Variants in BICC1 observed in about 807,000 individuals in gnomAD.
BICC1 encodes BicC family RNA binding protein 1, also known as protein bicaudal C homolog 1.
A neutral mutation model predicts 111.0 loss-of-function variants in BICC1; 43 were observed. That is an observed-to-expected ratio of 0.39 (90% CI 0.30 to 0.50). The LOEUF (loss-of-function observed/expected upper bound fraction) is 0.50. Ranked by LOEUF, BICC1 falls within the 20% of genes least tolerant of loss-of-function variation. BICC1 has a pLI of 0.88. For synonymous variants in BICC1, 467 were observed against 434.4 expected (o/e 1.07, Z -0.93); for missense variants, 1,091 against 1,203.2 (o/e 0.91, Z 1.38).
intron 2 of BICC1, among the ~76,000 whole-genome samples, chr10:58,633,493 T>G (rs1225658303): frequency 1.3e-5 from 2 of 152,246 alleles, no homozygotes; most frequent in South Asian, 4.1e-4. Context: ...AATGCATTCC[T>G]AGCAAGATTA....
intron 2 of BICC1, among the ~76,000 whole-genome samples, chr10:58,678,065 A>G (rs1459552669): frequency 6.6e-6 from 1 of 152,184 alleles, no homozygotes; most frequent in Non-Finnish European, 1.5e-5. Flanking sequence ...AAAGGAAAAA[A>G]CGGGACCAGC....
intron 1 of BICC1, among the ~76,000 whole-genome samples, chr10:58,606,645 G>A (rs1845224706): frequency 2.6e-5 from 4 of 152,090 alleles, no homozygotes; most frequent in Non-Finnish European, 5.9e-5. Context: ...GCTTGAATGA[G>A]AATTCTGACA....
chr10:58,805,318 A>C (rs1027626992), intron 15 of BICC1, among the ~76,000 whole-genome samples: 5 of 152,082 alleles, frequency 3.3e-5, no homozygotes, highest in East Asian at 3.9e-4. Flanking sequence ...AACAAACAAA[A>C]AAACTGCAAG....
At chr10:58,520,102 C>T (rs1315015762) in intron 1 of BICC1, among the ~76,000 whole-genome samples, 1 of 152,084 alleles carries the variant, frequency 6.6e-6, no homozygotes, top group African/African-American at 2.4e-5. Flanking sequence ...ATTATCATCC[C>T]ATGTTTTGTC....
chr10:58,815,024 A>G (rs191198392), intron 18 of BICC1, among the ~76,000 whole-genome samples: 60 of 152,320 alleles, frequency 3.9e-4, no homozygotes, highest in Non-Finnish European at 7.1e-4. Flanking sequence ...TGTTTTATCT[A>G]CAACAGCACC....
At chr10:58,707,850 A>G (rs1325546953) in intron 3 of BICC1, among the ~76,000 whole-genome samples, 1 of 152,070 alleles carries the variant, frequency 6.6e-6, no homozygotes, top group Non-Finnish European at 1.5e-5. Context: ...GGCACCTGCC[A>G]CCACGCCCGG....
chr10:58,648,245 C>T (rs1365757833), intron 2 of BICC1, among the ~76,000 whole-genome samples: 2 of 152,124 alleles, frequency 1.3e-5, no homozygotes, highest in African/African-American at 2.4e-5. Context: ...TGTTTTGCAG[C>T]TGTAGATGCT....
chr10:58,552,925 A>G (rs1170865251), intron 1 of BICC1, among the ~76,000 whole-genome samples: 1 of 152,208 alleles, frequency 6.6e-6, no homozygotes, highest in African/African-American at 2.4e-5. Context: ...ATGGGCTTTC[A>G]GACAGATATA....
Position 58,702,091 on chromosome 10 carries a change from T to TA in BICC1, c.256dup (p.Thr86AsnfsTer22). The stretch of plus-strand genomic sequence containing the variant: ...TGTTACAGATCATGGAGGAAACAAA[T>TA]ACGCAGATTGCTTGGCCATCAAAAC... On this transcript the variant is annotated frameshift_variant, in exon 3 of 21. Transcript: ENST00000373886. LOFTEE classifies it high-confidence loss of function. 6.2e-7 allele frequency: 1 copy of TA among 1,613,238 alleles called. No homozygotes were observed. The highest frequency in any genetic ancestry group is 8.5e-7 in the Non-Finnish European group (1 of 1,179,590).
chr10:58,525,715 A>C (rs895083596), intron 1 of BICC1, among the ~76,000 whole-genome samples: 8 of 123,624 alleles, frequency 6.5e-5, no homozygotes, highest in African/African-American at 1.4e-4. Flanking sequence ...ATAATAAAAA[A>C]AATTTTTTAA....
rs1214628384 is a variant in BICC1, at chr10:58,807,121, A to G, written c.2339A>G (p.His780Arg). 1.2e-6 allele frequency: 2 copies of G among 1,613,948 alleles called. No individual in the cohort carries two copies. Among genetic ancestry groups the G allele is most frequent in the South Asian group, 1.1e-5 (1 of 91,076 alleles). ...ATCAAGGAGTTGAGAAGGGCCAATC[A>G]TGTGTCCTATAAGCCCACAATGACA... ...ETIKELRRANHVSYKPTMTTT... is the reference protein window; with the variant it reads ...ETIKELRRANRVSYKPTMTTT... Residue 780 changes from histidine (H) to arginine (R), a missense_variant, in exon 17 of 21, where the codon CAT (histidine) becomes CGT (arginine). Around this residue, in one of 3 missense-constraint regions of BICC1, gnomAD observed 231 missense variants for 256.2 expected, o/e 0.90. Transcript: ENST00000373886.
intron 1 of BICC1, among the ~76,000 whole-genome samples, chr10:58,528,293 A>G (rs1199374060): frequency 2.6e-5 from 4 of 151,870 alleles, no homozygotes; most frequent in Non-Finnish European, 5.9e-5. Flanking sequence ...TCTAGGCCGT[A>G]TGTAGAATGT....
chr10:58,796,236 G>A, intron 9 of BICC1, 104 bp from the exon 10 acceptor site: 7 of 951,160 alleles, frequency 7.4e-6, no homozygotes, highest in Non-Finnish European at 1.1e-5. Flanking sequence ...TGTCCCCTGA[G>A]TGGAATTCTT....
At chr10:58,725,371 T>G (rs1001748763) in intron 3 of BICC1, among the ~76,000 whole-genome samples, 1 of 152,144 alleles carries the variant, frequency 6.6e-6, no homozygotes, top group Non-Finnish European at 1.5e-5. Context: ...CAGATGTAAT[T>G]CAGCAAACAT....
intron 3 of BICC1, among the ~76,000 whole-genome samples, chr10:58,708,132 C>T (rs983868224): frequency 6.7e-6 from 1 of 149,034 alleles, no homozygotes; most frequent in Non-Finnish European, 1.5e-5. Flanking sequence ...GTGTGAGCCA[C>T]CGCGCCTAGC....
intron 2 of BICC1, among the ~76,000 whole-genome samples, chr10:58,693,316 A>G (rs1238594867): frequency 2.0e-5 from 3 of 152,226 alleles, no homozygotes; most frequent in African/African-American, 7.2e-5. Context: ...TGCCGCTATA[A>G]ACATACATGT....
At chr10:58,817,501 AAT>A in intron 18 of BICC1, 59 bp from the exon 19 acceptor site, 1 of 1,584,088 alleles carries the variant, frequency 6.3e-7, no homozygotes, top group Admixed American at 1.7e-5. Flanking sequence ...TAAAACTTTT[AAT>A]TAAACCATGT....
chr10:58,557,016 T>C (rs1843468200), intron 1 of BICC1, among the ~76,000 whole-genome samples: 1 of 152,128 alleles, frequency 6.6e-6, no homozygotes, highest in South Asian at 2.1e-4. Context: ...GCAGATGTGA[T>C]TAAGGATCTT....
At chr10:58,701,613 C>A (rs1010040510) in intron 2 of BICC1, among the ~76,000 whole-genome samples, 1 of 152,112 alleles carries the variant, frequency 6.6e-6, no homozygotes, top group African/African-American at 2.4e-5. Context: ...GCACCCAAAG[C>A]AAGTTATTTT....
Sources: gnomAD v4.1 joint callset for allele counts (sites outside exome capture counted in the v4.1 genomes callset) on GRCh38, gnomAD v4.1.1 for gene constraint, gnomAD v4.1.1 regional missense constraint, MANE v1.5 for transcripts, NCBI Gene and HGNC (gene_info 2026-07-23, HGNC 2026-07-21) for gene names.